Variants in GAA observed in about 807,000 individuals in gnomAD.
The protein encoded by GAA is alpha glucosidase, also known as lysosomal alpha-glucosidase.
In GAA, 88 loss-of-function variants were observed where a neutral mutation model predicts 103.9. That is an observed-to-expected ratio of 0.85 (90% CI 0.71 to 1.01). GAA has a LOEUF of 1.01. GAA is among the 50% of genes least tolerant of loss of function. The pLI, the probability that GAA is intolerant of heterozygous loss-of-function variation, is 0.00. For synonymous variants in GAA, 572 were observed against 563.1 expected, an observed-to-expected ratio of 1.02 and a Z score of -0.22; for missense variants, 1,350 against 1,305.3, an observed-to-expected ratio of 1.03 and a Z score of -0.53.
rs753939097 is a variant in GAA, at chr17:80,119,240, G to A, written c.2800-32G>A. On this transcript the variant is annotated intron_variant, in intron 19 of 19. Transcript: ENST00000302262. ...GGGGTCTCACTGCTGCTGGGATCTC[G>A]GGCTGCTCCATTTGTGCTCTCTCTT... 44 of 1,608,804 alleles carry A rather than the reference G, an allele frequency of 2.7e-5. No individual in the cohort carries two copies. In the East Asian group the frequency reaches 3.6e-4, roughly 13 times the overall value.
intron 12 of GAA, 149 bp from the exon 13 acceptor site, chr17:80,112,429 C>A (rs543358927): frequency 2.0e-6 from 2 of 1,008,482 alleles, no homozygotes; most frequent in South Asian, 3.0e-5. Flanking sequence ...CAACTGTGCC[C>A]GCAGACATGG....
rs2039288481 is a variant in GAA, at chr17:80,113,276, C to T, written c.2099C>T (p.Thr700Ile). 1 of 1,601,088 alleles carries T rather than the reference C, an allele frequency of 6.2e-7. No homozygotes were observed. Among genetic ancestry groups the T allele is most frequent in the Admixed American group, 1.7e-5 (1 of 58,432 alleles). ...PAQQAMRKAL[T>I]LRYALLPHLY... ...CAGCAGGCCATGAGGAAGGCCCTCA[C>T]CCTGCGCTACGCACTCCTCCCCCAC... is the stretch of plus-strand genomic sequence containing the variant. Residue 700 changes from threonine (T) to isoleucine (I), a missense_variant, in exon 15 of 20, where the codon ACC (threonine) becomes ATC (isoleucine). By Grantham distance (89) the Thr-to-Ile change is moderately conservative. Coordinates refer to ENST00000302262, the MANE Select transcript of GAA (RefSeq NM_000152.5).
At position 80,112,664 on chromosome 17, in the gene GAA, CGGG is replaced by C. The variant is rs1249187013; in HGVS notation, c.1844_1846del (p.Gly615del). The C allele has an allele frequency of 6.2e-7, 1 of 1,612,348 alleles. No individual in the cohort carries two copies. The highest frequency in any genetic ancestry group is 8.5e-7 in the Non-Finnish European group (1 of 1,179,750). On this transcript the variant is annotated inframe_deletion, in exon 13 of 20. Transcript: ENST00000302262. ...CACGGCCGATACGCCGGCCACTGGA[CGGG>C]GGACGTGTGGAGCTCCTGGGAGCAG...
Position 80,110,720 on chromosome 17 carries a change from T to C in GAA, c.1438-7T>C, listed in dbSNP as rs1484346995. 6.2e-7 allele frequency: 1 copy of C among 1,613,384 alleles called. No individual in the cohort carries two copies. On this transcript the variant is annotated splice_polypyrimidine_tract_variant and splice_region_variant and intron_variant, in intron 9 of 19. Coordinates refer to ENST00000302262, the MANE Select transcript of GAA (RefSeq NM_000152.5). ...GGGTCTCCCCACTGCAGCCTCTCGT[T>C]GTCCAGGTATGGCCCGGGTCCACTG...
intron 3 of GAA, among the ~76,000 whole-genome samples, chr17:80,106,098 C>T (rs1480407345): frequency 6.6e-6 from 1 of 152,198 alleles, no homozygotes; most frequent in Non-Finnish European, 1.5e-5. Context: ...CATGTAAACA[C>T]GTGTTCAGGA....
Position 80,105,824 on chromosome 17 carries a change from C to T in GAA, c.622C>T (p.Leu208Phe). 4 of 1,610,406 alleles carry T rather than the reference C, an allele frequency of 2.5e-6. No homozygotes were observed. The highest frequency in any genetic ancestry group is 3.4e-6 in the Non-Finnish European group (4 of 1,179,986). ...TGTCCACAGCCGGGCACCGTCCCCA[C>T]TCTACAGCGTGGAGTTCTCCGAGGA... Reference protein sequence around the residue: ...PHVHSRAPSPLYSVEFSEEPF... With the variant: ...PHVHSRAPSPFYSVEFSEEPF... Residue 208 changes from leucine (L) to phenylalanine (F), a missense_variant, in exon 3 of 20, where the codon CTC (leucine) becomes TTC (phenylalanine). By Grantham distance (22) the Leu-to-Phe change is conservative. Coordinates refer to ENST00000302262, the MANE Select transcript of GAA (RefSeq NM_000152.5).
In GAA at chr17:80,118,076, C is replaced by A. The variant is rs1011793547; in HGVS notation, c.2482-117C>A. 5 of 1,214,984 alleles carry A rather than the reference C, an allele frequency of 4.1e-6. No homozygotes were observed. In the Admixed American group the frequency reaches 8.5e-5, roughly 21 times the overall value. The allele number at this position is 1,214,984 out of a possible 1,614,324, so 75.3% of individuals were successfully genotyped here. A position where few individuals can be genotyped will look rare whatever the true frequency, so the allele number is the denominator to read the frequency against. Reference sequence around the variant, plus strand: ...CCAGCCCCTGCGGCCGCAGGTGTTCCTGCAGATCCTAGTTACTGGCAGCCT... The same window carrying A: ...CCAGCCCCTGCGGCCGCAGGTGTTCATGCAGATCCTAGTTACTGGCAGCCT... On this transcript the variant is annotated intron_variant, in intron 17 of 19. Coordinates refer to ENST00000302262, the MANE Select transcript of GAA (RefSeq NM_000152.5).
In GAA at chr17:80,103,860, C is replaced by T. The variant is rs537053650; in HGVS notation, c.-32-695C>T. 2.4e-4 allele frequency among the ~76,000 whole-genome samples: 37 copies of T among 152,302 alleles called. 1 individual carries two copies. The South Asian group carries it at 7.2e-3, about 30-fold the overall frequency. On this transcript the variant is annotated intron_variant, in intron 1 of 19. Coordinates refer to ENST00000302262, the MANE Select transcript of GAA (RefSeq NM_000152.5). ...GATTCCCCACTGTGGTATGTCCGTG[C>T]ACCAGTCAATAGGAAAGGGAGCAAG...
chr17:80,110,744 T>G lies in GAA; in HGVS notation c.1455T>G (p.Thr485=), dbSNP rs774037839. 3.7e-6 allele frequency: 6 copies of G among 1,613,896 alleles called. No individual in the cohort carries two copies. The East Asian group carries it at 8.9e-5, about 24-fold the overall frequency. ...TTGTCCAGGTATGGCCCGGGTCCAC[T>G]GCCTTCCCCGACTTCACCAACCCCA... ...PLIGKVWPGS[T]AFPDFTNPTA... Residue 485 remains threonine (T), a synonymous_variant, in exon 10 of 20, where the codon ACT becomes ACG. Transcript: ENST00000302262.
chr17:80,105,955 G>C (rs1285338890), intron 3 of GAA, 61 bp downstream of exon 3: 3 of 1,539,046 alleles, frequency 1.9e-6, no homozygotes, highest in Non-Finnish European at 2.6e-6. Flanking sequence ...TCACACGGCA[G>C]GGAGGGCCAC....
At chr17:80,111,857 C>T in intron 11 of GAA, 126 bp from the exon 12 acceptor site, 5 of 735,708 alleles carry the variant, frequency 6.8e-6, no homozygotes, top group South Asian at 1.6e-5. Context: ...GCTGCAGGTG[C>T]ACCTCCAGGG....
rs1478950652 is a variant in GAA at position 80,119,522 on chromosome 17, G to C, written c.*191G>C. 5 of 635,454 alleles carry C rather than the reference G, an allele frequency of 7.9e-6. No homozygotes were observed. The highest frequency in any genetic ancestry group is 1.4e-5 in the Non-Finnish European group (5 of 348,500). 39.4% of individuals were successfully genotyped at this position (635,454 alleles called of 1,614,324 possible). A position where few individuals can be genotyped will look rare whatever the true frequency, so the allele number is the denominator to read the frequency against. On this transcript the variant is annotated 3_prime_UTR_variant, in exon 20 of 20. Coordinates refer to ENST00000302262, the MANE Select transcript of GAA (RefSeq NM_000152.5). ...GGGGCTCTGGCCCCCAACGTGTCTA[G>C]GAGAGCTTTCTCCCTAGATCGCACT...
intron 11 of GAA, 117 bp downstream of exon 11, chr17:80,111,142 CG>C (rs11304736): frequency 3.2e-3 from 414 of 129,938 alleles, no homozygotes; most frequent in East Asian, 6.7e-3. Context: ...GGGAAAGGGG[CG>C]GGGGGGGGAT....
intron 2 of GAA, among the ~76,000 whole-genome samples, chr17:80,105,366 G>A (rs1487767470): frequency 6.6e-6 from 1 of 152,152 alleles, no homozygotes; most frequent in Non-Finnish European, 1.5e-5. Flanking sequence ...TGAAAAGGTG[G>A]GTCAGGTAGA....
intron 2 of GAA, 96 bp downstream of exon 2, chr17:80,105,228 C>A: frequency 8.0e-7 from 1 of 1,253,644 alleles, no homozygotes; most frequent in Non-Finnish European, 1.1e-6. Flanking sequence ...CATGTTGCAC[C>A]ACTGTGTGCT....
At position 80,105,710 on chromosome 17, in the gene GAA, T is replaced by G. The variant is rs12452721; in HGVS notation, c.547-39T>G. The G allele has an allele frequency of 0.71, 1,134,050 of 1,603,762 alleles. 405,210 individuals carry two copies. Among genetic ancestry groups the G allele is most frequent in the Middle Eastern group, 0.8 (4,785 of 5,984 alleles). ...GCGGGTTGTTCTCTGGAGAGTAAGG[T>G]GGCTGTGGGGAACATCAATAAACCC... is the stretch of plus-strand genomic sequence containing the variant. On this transcript the variant is annotated intron_variant, in intron 2 of 19. Transcript: ENST00000302262.
At chr17:80,119,120 C>G (rs948495170) in intron 19 of GAA, 152 bp from the exon 20 acceptor site, 1 of 885,440 alleles carries the variant, frequency 1.1e-6, no homozygotes, top group Non-Finnish European at 1.9e-6. Context: ...GAACCGGGTG[C>G]GAAGCATCCC....
In GAA at chr17:80,109,940, C is replaced by G. The variant is rs1314883749; in HGVS notation, c.1327-5C>G. 8.1e-6 allele frequency: 13 copies of G among 1,612,226 alleles called. No homozygotes were observed. The highest frequency in any genetic ancestry group is 1.0e-5 in the Non-Finnish European group (12 of 1,178,908). On this transcript the variant is annotated splice_polypyrimidine_tract_variant and splice_region_variant and intron_variant, in intron 8 of 19. Transcript: ENST00000302262. ...CCTCACCTTGACAGGTTTCCCTCTT[C>G]CCAGGATCCTGCCATCAGCAGCTCG...
Position 80,119,466 on chromosome 17 carries a change from C to G in GAA, c.*135C>G, listed in dbSNP as rs1049952347. 1 of 767,384 alleles carries G rather than the reference C, an allele frequency of 1.3e-6. No homozygotes were observed. The allele number at this position is 767,384 out of a possible 1,614,324, so 47.5% of individuals were successfully genotyped here. On this transcript the variant is annotated 3_prime_UTR_variant, in exon 20 of 20. Transcript: ENST00000302262. ...GAGCTGGGCACTAACCATTCCAAGC[C>G]GCCGCATCGCTTGTTTCCACCTCCT...
Sources: gnomAD v4.1 joint callset for allele counts (sites outside exome capture counted in the v4.1 genomes callset) on GRCh38, gnomAD v4.1.1 for gene constraint, MANE v1.5 for transcripts, NCBI Gene and HGNC (gene_info 2026-07-23, HGNC 2026-07-21) for gene names.